The following ADAMTS12 variants were observed in gnomAD, a reference collection of about 807,000 sequenced individuals.
ADAMTS12 encodes the protein A disintegrin and metalloproteinase with thrombospondin motifs 12.
ADAMTS12 carries 118 observed loss-of-function variants against 167.8 expected under a neutral mutation model. That is an observed-to-expected ratio of 0.70 (90% CI 0.61 to 0.82). The LOEUF (loss-of-function observed/expected upper bound fraction) is 0.82, where lower values mean the gene tolerates loss of function less well. ADAMTS12 is among the 40% of genes least tolerant of loss of function. ADAMTS12 has a pLI of 0.00. For missense variants in ADAMTS12, 1,916 were observed against 1,998.8 expected, an observed-to-expected ratio of 0.96 and a Z score of 0.79; for synonymous variants, 704 against 716.9, an observed-to-expected ratio of 0.98 and a Z score of 0.29.
chr5:33,560,404 C>G (rs1011724630), intron 20 of ADAMTS12, among the ~76,000 whole-genome samples: 3 of 152,182 alleles, frequency 2.0e-5, no homozygotes, highest in African/African-American at 7.2e-5. Context: ...CCGTTTGACC[C>G]AGCCATCCCA....
At chr5:33,598,608 C>A (rs16891393) in intron 16 of ADAMTS12, among the ~76,000 whole-genome samples, 2,449 of 152,244 alleles carry the variant, frequency 0.016, 68 homozygotes, top group African/African-American at 0.056. Context: ...AAAGTTTAAT[C>A]ATTGGAAACC....
chr5:33,601,299 T>C (rs1041099399), intron 16 of ADAMTS12, among the ~76,000 whole-genome samples: 4 of 152,146 alleles, frequency 2.6e-5, no homozygotes, highest in Non-Finnish European at 4.4e-5. Context: ...GATTATAGTA[T>C]AGGGTTGTTG....
rs146221088 is a variant in ADAMTS12 at position 33,722,254 on chromosome 5, G to C, written c.634+29150C>G. Among the ~76,000 whole-genome samples, 257 of 152,262 alleles carry C rather than the reference G, an allele frequency of 1.7e-3. 1 individual carries two copies. The highest frequency in any genetic ancestry group is 5.9e-3 in the African/African-American group (246 of 41,540). On this transcript the variant is annotated intron_variant, in intron 3 of 23. Coordinates refer to ENST00000504830, the MANE Select transcript of ADAMTS12 (RefSeq NM_030955.4). ...TTTGTTATCAGAATAAAGCAACACA[G>C]TGATATAGATCTTTCCAATGGACAA...
intron 16 of ADAMTS12, among the ~76,000 whole-genome samples, chr5:33,607,329 A>G (rs1313116062): frequency 2.0e-5 from 3 of 152,220 alleles, no homozygotes; most frequent in African/African-American, 7.2e-5. Flanking sequence ...AAAATTCTAC[A>G]GACAAACAGA....
At chr5:33,733,784 C>G (rs980950040) in intron 3 of ADAMTS12, among the ~76,000 whole-genome samples, 2 of 152,124 alleles carry the variant, frequency 1.3e-5, no homozygotes, top group Admixed American at 1.3e-4. Flanking sequence ...ATCAGCGAGA[C>G]ACGGGGGCTG....
chr5:33,561,489 C>T (rs1163242671), intron 19 of ADAMTS12, among the ~76,000 whole-genome samples: 1 of 152,178 alleles, frequency 6.6e-6, no homozygotes, highest in Non-Finnish European at 1.5e-5. Flanking sequence ...CCCTTTAAAA[C>T]TTATCCTGGC....
intron 2 of ADAMTS12, among the ~76,000 whole-genome samples, chr5:33,772,883 G>A (rs1041338823): frequency 2.0e-5 from 3 of 152,230 alleles, no homozygotes; most frequent in Admixed American, 2.0e-4. Flanking sequence ...GAAGTGGGCA[G>A]TGAGAAGAAA....
At chr5:33,693,601 T>C (rs952608573) in intron 3 of ADAMTS12, among the ~76,000 whole-genome samples, 2 of 152,174 alleles carry the variant, frequency 1.3e-5, no homozygotes, top group African/African-American at 4.8e-5. Context: ...GAGAAGGCTT[T>C]TGATAAAATG....
At chr5:33,691,583 G>C (rs1403490864) in intron 3 of ADAMTS12, among the ~76,000 whole-genome samples, 1 of 152,182 alleles carries the variant, frequency 6.6e-6, no homozygotes, top group Non-Finnish European at 1.5e-5. Flanking sequence ...CACTAGGGAA[G>C]CAGGCGAGAC....
chr5:33,569,853 A>C (rs1203397358), intron 19 of ADAMTS12, among the ~76,000 whole-genome samples: 3 of 152,204 alleles, frequency 2.0e-5, no homozygotes, highest in African/African-American at 7.2e-5. Context: ...TTTGAAAAAA[A>C]TTTAGACGAA....
intron 19 of ADAMTS12, among the ~76,000 whole-genome samples, chr5:33,568,074 A>C (rs1746100589): frequency 6.6e-6 from 1 of 152,234 alleles, no homozygotes; most frequent in African/African-American, 2.4e-5. Context: ...TATGCTCATT[A>C]GCATAAAATC....
At chr5:33,586,161 A>G (rs1747338887) in intron 18 of ADAMTS12, among the ~76,000 whole-genome samples, 1 of 152,218 alleles carries the variant, frequency 6.6e-6, no homozygotes, top group Non-Finnish European at 1.5e-5. Flanking sequence ...GTTGGTCTCC[A>G]GACAAAATCT....
At chr5:33,793,377 T>TA (rs1270720278) in intron 2 of ADAMTS12, among the ~76,000 whole-genome samples, 2 of 152,230 alleles carry the variant, frequency 1.3e-5, no homozygotes, top group African/African-American at 4.8e-5. Context: ...TCCCATAGAA[T>TA]AAACTTTATT....
chr5:33,716,605 A>C (rs1435113162), intron 3 of ADAMTS12, among the ~76,000 whole-genome samples: 2 of 152,096 alleles, frequency 1.3e-5, no homozygotes, highest in African/African-American at 4.8e-5. Flanking sequence ...TTATTGAGTT[A>C]ATTAAAACCT....
chr5:33,845,651 G>GA (rs1242554226), intron 2 of ADAMTS12, among the ~76,000 whole-genome samples: 3 of 152,122 alleles, frequency 2.0e-5, no homozygotes, highest in Non-Finnish European at 4.4e-5. Flanking sequence ...ATTAGAAAGA[G>GA]AAAAAAGACT....
At chr5:33,595,664 C>A (rs954842143) in intron 17 of ADAMTS12, among the ~76,000 whole-genome samples, 1 of 152,194 alleles carries the variant, frequency 6.6e-6, no homozygotes, top group South Asian at 2.1e-4. Flanking sequence ...CCACTTAGCA[C>A]TCTCTTCACC....
chr5:33,643,053 A>G (rs1200938076), intron 10 of ADAMTS12, among the ~76,000 whole-genome samples: 1 of 152,226 alleles, frequency 6.6e-6, no homozygotes, highest in Non-Finnish European at 1.5e-5. Context: ...CATATGAGAG[A>G]AAAAAAGTCA....
Position 33,881,734 on chromosome 5 carries a change from G to GT in ADAMTS12, c.128-255dup, listed in dbSNP as rs11295558. 4.4e-3 allele frequency among the ~76,000 whole-genome samples: 534 copies of GT among 120,158 alleles called. 3 individuals carry two copies. Among genetic ancestry groups the GT allele is most frequent in the African/African-American group, 7.6e-3 (256 of 33,620 alleles). 78.8% of individuals were successfully genotyped at this position (120,158 alleles called of 152,430 possible). A position where few individuals can be genotyped will look rare whatever the true frequency, so the allele number is the denominator to read the frequency against. ...TGTGCCACAACACCTGGCTAATTTT[G>GT]TTTTTTTTTTTTTTTTTTTAGTAGA... On this transcript the variant is annotated intron_variant, in intron 1 of 23. Coordinates refer to ENST00000504830, the MANE Select transcript of ADAMTS12 (RefSeq NM_030955.4).
intron 19 of ADAMTS12, among the ~76,000 whole-genome samples, chr5:33,574,550 G>C (rs1670666268): frequency 7.0e-6 from 1 of 142,838 alleles, no homozygotes; most frequent in Admixed American, 7.5e-5. Flanking sequence ...TGAACAATGA[G>C]AATACATGGA....
Sources: gnomAD v4.1 joint callset for allele counts (sites outside exome capture counted in the v4.1 genomes callset) on GRCh38, gnomAD v4.1.1 for gene constraint, MANE v1.5 for transcripts, NCBI Gene and HGNC (gene_info 2026-07-23, HGNC 2026-07-21) for gene names.